The following UNC13A variants were observed in gnomAD, a reference collection of about 807,000 sequenced individuals.
UNC13A encodes the protein protein unc-13 homolog A.
In UNC13A, 61 loss-of-function variants were observed where a neutral mutation model predicts 219.7. The observed-to-expected ratio is 0.28, with a 90% confidence interval of 0.23 to 0.34. UNC13A has a LOEUF of 0.34. Among genes scored for constraint, UNC13A ranks in the 10% least tolerant of loss-of-function variants. The probability of loss-of-function intolerance (pLI) is 1.00; values close to 1 mark genes in which losing one functional copy is unlikely to be tolerated. For missense variants in UNC13A, 1,476 were observed against 2,270.3 expected (o/e 0.65, Z 7.11); for synonymous variants, 920 against 884.6 (o/e 1.04, Z -0.71).
intron 6 of UNC13A, among the ~76,000 whole-genome samples, chr19:17,667,269 A>AC (rs150280160): frequency 9.3e-5 from 14 of 150,620 alleles, no homozygotes; most frequent in African/African-American, 3.2e-4. Flanking sequence ...AAAAAAAAAA[A>AC]GATGGGAACA....
chr19:17,650,303 TAGG>T lies in UNC13A; in HGVS notation c.1440-719_1440-717del, dbSNP rs1482036208. Reference sequence around the variant, plus strand: ...CCGAGGCGGGCGGATCACCTGAGGTTAGGAGTTCGAGACCAGCCTGACCAACAT... The same window carrying T: ...CCGAGGCGGGCGGATCACCTGAGGTTAGTTCGAGACCAGCCTGACCAACAT... On this transcript the variant is annotated intron_variant, in intron 12 of 43. Transcript: ENST00000519716. 4.6e-5 allele frequency among the ~76,000 whole-genome samples: 7 copies of T among 151,972 alleles called. No individual in the cohort carries two copies. In the East Asian group the frequency reaches 1.2e-3, roughly 26 times the overall value.
At position 17,620,452 on chromosome 19, in the gene UNC13A, C is replaced by A. The variant is rs116818427; in HGVS notation, c.4272+241G>T. 9.1e-3 allele frequency among the ~76,000 whole-genome samples: 1,380 copies of A among 152,212 alleles called. 19 individuals carry two copies. The highest frequency in any genetic ancestry group is 0.03 in the African/African-American group (1,227 of 41,520). On this transcript the variant is annotated intron_variant, in intron 38 of 43. Transcript: ENST00000519716. The stretch of plus-strand genomic sequence containing the variant: ...GCGGACTGGGCCTCAGTTTCCCCTG[C>A]TGCACCCACCTGTAGTCTGGCAGGG...
intron 8 of UNC13A, among the ~76,000 whole-genome samples, chr19:17,660,520 TTTG>T (rs1234524840): frequency 7.8e-6 from 1 of 128,332 alleles, no homozygotes; most frequent in Non-Finnish European, 1.6e-5. Flanking sequence ...GTTTTGTTTG[TTTG>T]TTGGTTTTTG....
At chr19:17,687,434 G>C (rs948476494) in intron 1 of UNC13A, among the ~76,000 whole-genome samples, 1 of 152,122 alleles carries the variant, frequency 6.6e-6, no homozygotes, top group East Asian at 1.9e-4. Context: ...GCCCTGAAAC[G>C]TGTTTGGGAG....
At chr19:17,652,429 G>A (rs930865374) in intron 12 of UNC13A, among the ~76,000 whole-genome samples, 1 of 152,102 alleles carries the variant, frequency 6.6e-6, no homozygotes, top group Non-Finnish European at 1.5e-5. Context: ...ACCGCACCCC[G>A]CCCTGTCTTC....
At chr19:17,652,706 G>A in intron 11 of UNC13A, 29 bp from the exon 12 acceptor site, 2 of 1,613,230 alleles carry the variant, frequency 1.2e-6, no homozygotes, top group Non-Finnish European at 1.7e-6. Flanking sequence ...GATATGGTCA[G>A]TGTGGCTGTC....
chr19:17,666,901 AG>A (rs1263811554), intron 6 of UNC13A, among the ~76,000 whole-genome samples, 197 bp from the exon 7 acceptor site: 18 of 74,878 alleles, frequency 2.4e-4, no homozygotes, highest in Admixed American at 6.5e-4. Flanking sequence ...AGAGAGAGAG[AG>A]AGAGAGAGAA....
In UNC13A at chr19:17,606,098, C is replaced by T; in HGVS notation, c.5068G>A (p.Asp1690Asn). The T allele has an allele frequency of 6.3e-7, 1 of 1,593,134 alleles. No homozygotes were observed. Among genetic ancestry groups the T allele is most frequent in the Non-Finnish European group, 8.5e-7 (1 of 1,172,430 alleles). Residue 1690 changes from aspartate (D) to asparagine (N), a missense_variant, in exon 44 of 44, where the codon GAC becomes AAC. Physicochemically the swap from Asp to Asn is conservative, Grantham distance 23. Around this residue, in one of 14 missense-constraint regions of UNC13A, gnomAD observed 187 missense variants for 172.3 expected, o/e 1.09. Transcript: ENST00000519716. ...VAKEFVKLKSDTRSAEEGGAA... is the reference protein window; with the variant it reads ...VAKEFVKLKSNTRSAEEGGAA... ...CCGCCCTCCTCGGCGGAGCGCGTGT[C>T]CGACTTGAGCTTCACGAACTCCTTG... is the stretch of plus-strand genomic sequence containing the variant.
At chr19:17,672,607 C>G in intron 3 of UNC13A, 112 bp from the exon 4 acceptor site, 6 of 762,468 alleles carry the variant, frequency 7.9e-6, no homozygotes, top group Non-Finnish European at 1.3e-5. Context: ...CAAACCTAGG[C>G]CTGGGAGTGT....
chr19:17,626,100 T>TC (rs2076780574), intron 34 of UNC13A, among the ~76,000 whole-genome samples: 1 of 151,966 alleles, frequency 6.6e-6, no homozygotes, highest in Non-Finnish European at 1.5e-5. Flanking sequence ...CATTTATGCA[T>TC]CAAAACATTT....
intron 1 of UNC13A, among the ~76,000 whole-genome samples, chr19:17,680,068 G>C (rs371162321): frequency 2.0e-5 from 3 of 151,992 alleles, no homozygotes; most frequent in Non-Finnish European, 4.4e-5. Context: ...GGACAGGAAA[G>C]GGGGCCGAGA....
In UNC13A at chr19:17,674,530, G is replaced by A. The variant is rs1293743792; in HGVS notation, c.152+127C>T. The A allele has an allele frequency of 4.1e-6, 3 of 735,860 alleles. No individual in the cohort carries two copies. The East Asian group carries it at 7.9e-5, about 19-fold the overall frequency. The allele number at this position is 735,860 out of a possible 1,614,324, so 45.6% of individuals were successfully genotyped here. A position where few individuals can be genotyped will look rare whatever the true frequency, so the allele number is the denominator to read the frequency against. On this transcript the variant is annotated intron_variant, in intron 3 of 43. Coordinates refer to ENST00000519716, the MANE Select transcript of UNC13A (RefSeq NM_001080421.3). This position sits in a 1 kb window ranked among gnomAD's most constrained non-coding sequence, Gnocchi z 5.0. ...TTTTGGAGGTGAAGGTGATAAGGTGGACAGGGGAAGAGGGAGGACAGAGGG... is the reference window on the plus strand; with the variant it reads ...TTTTGGAGGTGAAGGTGATAAGGTGAACAGGGGAAGAGGGAGGACAGAGGG...
At chr19:17,678,808 C>T (rs1280750540) in intron 1 of UNC13A, among the ~76,000 whole-genome samples, 3 of 151,260 alleles carry the variant, frequency 2.0e-5, no homozygotes, top group African/African-American at 4.9e-5. Flanking sequence ...GTGACGGGAT[C>T]GGGGGTGGAG....
At chr19:17,667,549 C>T (rs1599400984) in intron 6 of UNC13A, among the ~76,000 whole-genome samples, 1 of 152,068 alleles carries the variant, frequency 6.6e-6, no homozygotes, top group Non-Finnish European at 1.5e-5. Flanking sequence ...TCTCGGCTCA[C>T]TGCAACTTCT....
intron 16 of UNC13A, 72 bp downstream of exon 16, chr19:17,648,359 C>T: frequency 1.4e-6 from 2 of 1,400,058 alleles, no homozygotes; most frequent in East Asian, 2.7e-5. Context: ...TGCCCTTCAG[C>T]CTTTCCCCGC....
intron 28 of UNC13A, among the ~76,000 whole-genome samples, chr19:17,631,434 C>T (rs2076854053): frequency 1.3e-5 from 2 of 151,636 alleles, no homozygotes; most frequent in South Asian, 2.1e-4. Flanking sequence ...CCTGTGTTGC[C>T]CAGGCAGGCC....
chr19:17,623,597 C>A, intron 35 of UNC13A, 50 bp from the exon 36 acceptor site: 1 of 1,027,128 alleles, frequency 9.7e-7, no homozygotes, highest in Non-Finnish European at 1.4e-6. Context: ...GAATAAGGTA[C>A]CATGAGTCTC....
Position 17,686,298 on chromosome 19 carries a change from G to GCCCCCCCCCCC in UNC13A, c.22+1869_22+1879dup, listed in dbSNP as rs533722538. ...CGTCAGAGTTAAGGGTGAGATCCCC[G>GCCCCCCCCCCC]CCCCCCCCCCCCCCCCCCCACTCCA... is the stretch of plus-strand genomic sequence containing the variant. On this transcript the variant is annotated intron_variant, in intron 1 of 43. Transcript: ENST00000519716. 1.8e-4 allele frequency among the ~76,000 whole-genome samples: 15 copies of GCCCCCCCCCCC among 81,888 alleles called. 2 individuals are homozygous for GCCCCCCCCCCC. The highest frequency in any genetic ancestry group is 5.1e-4 in the South Asian group (1 of 1,950). The allele number at this position is 81,888 out of a possible 152,430, so 53.7% of individuals were successfully genotyped here. A position where few individuals can be genotyped will look rare whatever the true frequency, so the allele number is the denominator to read the frequency against.
intron 38 of UNC13A, 65 bp downstream of exon 38, chr19:17,620,628 G>A (rs1357371969): frequency 1.3e-6 from 2 of 1,503,612 alleles, no homozygotes; most frequent in Non-Finnish European, 1.8e-6. Flanking sequence ...GGTGGAAGGG[G>A]GCACAGGGGT....
Sources: gnomAD v4.1 joint callset for allele counts (sites outside exome capture counted in the v4.1 genomes callset) on GRCh38, gnomAD v4.1.1 for gene constraint, gnomAD v4.1.1 regional missense constraint, Gnocchi (gnomAD v3.1) non-coding constraint, MANE v1.5 for transcripts, NCBI Gene and HGNC (gene_info 2026-07-23, HGNC 2026-07-21) for gene names.